The following TRAK1 variants were observed in gnomAD, a reference collection of about 807,000 sequenced individuals.
The protein encoded by TRAK1 is trafficking kinesin-binding protein 1.
A neutral mutation model predicts 92.1 loss-of-function variants in TRAK1; 33 were observed. The observed-to-expected ratio is 0.36, with a 90% CI of 0.27 to 0.48. The LOEUF (loss-of-function observed/expected upper bound fraction) is 0.48. Ranked by LOEUF, TRAK1 falls within the 20% of genes least tolerant of loss-of-function variation. TRAK1 has a pLI of 0.99. For missense variants in TRAK1, 1,123 were observed against 1,257.9 expected (o/e 0.89, Z 1.62); for synonymous variants, 521 against 517.3 (o/e 1.01, Z -0.10).
intron 13 of TRAK1, chr3:42,204,294 A>G (rs143112853): frequency 2.1e-6 from 2 of 956,114 alleles, no homozygotes; most frequent in South Asian, 4.8e-5. Context: ...GTTTCATTAG[A>G]TCATCTAAGA....
At chr3:42,044,168 A>G (rs1015426378) in intron 1 of TRAK1, among the ~76,000 whole-genome samples, 2 of 151,934 alleles carry the variant, frequency 1.3e-5, no homozygotes, top group African/African-American at 4.8e-5. Flanking sequence ...CATTTTATTT[A>G]TTTATTTTTT....
At chr3:42,160,805 T>A (rs930586871) in intron 2 of TRAK1, among the ~76,000 whole-genome samples, 4 of 152,212 alleles carry the variant, frequency 2.6e-5, no homozygotes, top group African/African-American at 9.7e-5. Context: ...GGTGTATTCC[T>A]TTGTGTCTGG....
At chr3:42,058,879 C>T (rs1183455795) in intron 1 of TRAK1, among the ~76,000 whole-genome samples, 1 of 152,072 alleles carries the variant, frequency 6.6e-6, no homozygotes, top group South Asian at 2.1e-4. Context: ...AGACAAAATT[C>T]AATTTTAGAG....
chr3:42,123,163 A>T (rs1710114072), intron 1 of TRAK1, among the ~76,000 whole-genome samples: 1 of 152,190 alleles, frequency 6.6e-6, no homozygotes, highest in Admixed American at 6.5e-5. Context: ...CCAAAGGGTG[A>T]TGAGTCATAA....
intron 14 of TRAK1, chr3:42,217,298 G>A: frequency 1.0e-6 from 1 of 985,260 alleles, no homozygotes; most frequent in Non-Finnish European, 1.2e-6. Context: ...AGAGCCCACG[G>A]GTCCAGGCGT....
intron 6 of TRAK1, among the ~76,000 whole-genome samples, chr3:42,191,317 C>T (rs1484558127): frequency 1.3e-5 from 2 of 152,226 alleles, no homozygotes; most frequent in Admixed American, 6.5e-5. Context: ...GTGCCCGTAG[C>T]TGTGTGTGGC....
chr3:42,077,610 A>G (rs777384646), intron 1 of TRAK1, among the ~76,000 whole-genome samples: 9 of 152,104 alleles, frequency 5.9e-5, no homozygotes, highest in Non-Finnish European at 1.0e-4. Flanking sequence ...TGTTTGTGTC[A>G]TCTCTGATTT....
chr3:42,071,667 T>G (rs1318390266), intron 1 of TRAK1, among the ~76,000 whole-genome samples: 1 of 150,714 alleles, frequency 6.6e-6, no homozygotes, highest in East Asian at 1.9e-4. Flanking sequence ...GAGATCGCAC[T>G]ATTGCACTCT....
chr3:42,073,361 A>T (rs1704018888), intron 1 of TRAK1, among the ~76,000 whole-genome samples: 1 of 152,182 alleles, frequency 6.6e-6, no homozygotes, highest in Non-Finnish European at 1.5e-5. Flanking sequence ...GTCTTCCAAG[A>T]TGCTGCTTCC....
At chr3:42,182,558 A>AG (rs1439523191) in intron 3 of TRAK1, among the ~76,000 whole-genome samples, 1 of 152,164 alleles carries the variant, frequency 6.6e-6, no homozygotes, top group African/African-American at 2.4e-5. Flanking sequence ...ATTACGGGTG[A>AG]GAGCCACTGT....
Position 42,200,965 on chromosome 3 carries a change from G to C in TRAK1, c.1338G>C (p.Arg446=). 2 of 1,614,158 alleles carry C rather than the reference G, an allele frequency of 1.2e-6. No homozygotes were observed. The highest frequency in any genetic ancestry group is 1.3e-5 in the African/African-American group (1 of 75,040). The change falls in exon 12 of 16, where the codon CGG becomes CGC. Residue 446 remains arginine (R), a synonymous_variant. Transcript: ENST00000327628. ...TGTCCAGCTGCGTCAGCACCCCCCGGTCCAGCTTCTACGGCAGCGACATAG... is the reference window on the plus strand; with the variant it reads ...TGTCCAGCTGCGTCAGCACCCCCCGCTCCAGCTTCTACGGCAGCGACATAG... ...SLLSSCVSTP[R]SSFYGSDIGN...
At chr3:42,170,803 A>G (rs1179796084) in intron 2 of TRAK1, among the ~76,000 whole-genome samples, 3 of 151,718 alleles carry the variant, frequency 2.0e-5, no homozygotes, top group Non-Finnish European at 4.4e-5. Context: ...AAATGCAAAT[A>G]TATCAGGCAG....
intron 2 of TRAK1, among the ~76,000 whole-genome samples, chr3:42,158,958 CAAA>C (rs1306807474): frequency 3.3e-5 from 3 of 91,900 alleles, no homozygotes; most frequent in Admixed American, 2.4e-4. Flanking sequence ...GACTCTGTCT[CAAA>C]AATAATAATA....
upstream of TRAK1, among the ~76,000 whole-genome samples, chr3:42,090,676 C>T (rs1704975568): frequency 6.6e-6 from 1 of 152,100 alleles, no homozygotes; most frequent in African/African-American, 2.4e-5. Context: ...GAGTGAGACT[C>T]TCTCAAAAAA....
At chr3:42,048,669 C>G (rs1024581835) in intron 1 of TRAK1, among the ~76,000 whole-genome samples, 1 of 151,954 alleles carries the variant, frequency 6.6e-6, no homozygotes, top group East Asian at 1.9e-4. Flanking sequence ...TCAAGGGATC[C>G]TCCCATCTCA....
chr3:42,131,082 T>C (rs1213947949), intron 2 of TRAK1, among the ~76,000 whole-genome samples: 1 of 152,178 alleles, frequency 6.6e-6, no homozygotes, highest in Non-Finnish European at 1.5e-5. Context: ...TGTTTTTTAC[T>C]CATGCAGGGC....
At chr3:42,043,906 T>C (rs73828515) in intron 1 of TRAK1, among the ~76,000 whole-genome samples, 1 of 151,992 alleles carries the variant, frequency 6.6e-6, no homozygotes, top group African/African-American at 2.4e-5. Flanking sequence ...CCTTTTTTTT[T>C]AAAATTACTT....
In TRAK1 at chr3:42,193,898, G is replaced by A; in HGVS notation, c.975G>A (p.Glu325=). The change falls in exon 9 of 16, where the codon GAG becomes GAA. Residue 325 remains glutamate, a splice_region_variant and synonymous_variant. Coordinates refer to ENST00000327628, the MANE Select transcript of TRAK1 (RefSeq NM_001042646.3). ...ATGCCCAGCGGCAGCTCACAGCCGAGGTGAGCACCTCTCCCTCATTCCTTC... is the reference window on the plus strand; with the variant it reads ...ATGCCCAGCGGCAGCTCACAGCCGAAGTGAGCACCTCTCCCTCATTCCTTC... ...AKDAQRQLTA[E]LRELEDKYAE... is the part of the protein sequence containing the mutation. The A allele has an allele frequency of 6.2e-7, 1 of 1,613,644 alleles. No homozygotes were observed. Among genetic ancestry groups the A allele is most frequent in the Non-Finnish European group, 8.5e-7 (1 of 1,179,730 alleles).
intron 2 of TRAK1, among the ~76,000 whole-genome samples, chr3:42,131,921 A>T (rs1212081286): frequency 9.0e-6 from 1 of 111,330 alleles, no homozygotes; most frequent in African/African-American, 3.6e-5. Context: ...AAAAAAAAAA[A>T]GCTGGGTGTG....
Sources: allele counts gnomAD v4.1 joint callset (sites outside exome capture counted in the v4.1 genomes callset), GRCh38; gene constraint gnomAD v4.1.1; transcripts MANE v1.5; gene names NCBI Gene and HGNC (gene_info 2026-07-23, HGNC 2026-07-21).